SATB1: variants seen among roughly 807,000 people sequenced by gnomAD.
SATB1 encodes the protein DNA-binding protein SATB1.
SATB1 carries 11 observed loss-of-function variants against 86.9 expected under a neutral mutation model. The observed-to-expected ratio is 0.13, with a 90% CI of 0.08 to 0.21. The LOEUF (loss-of-function observed/expected upper bound fraction) is 0.21, where lower values mean the gene tolerates loss of function less well. SATB1 is among the 10% of genes least tolerant of loss of function. The pLI is 1.00. For missense variants in SATB1, 551 were observed against 937.6 expected (o/e 0.59, Z 5.39); for synonymous variants, 357 against 357.2 (o/e 1.00, Z 0.01).
chr3:18,393,109 C>T (rs1195473822), intron 7 of SATB1, among the ~76,000 whole-genome samples: 1 of 151,882 alleles, frequency 6.6e-6, no homozygotes, highest in Admixed American at 6.6e-5. Context: ...GGAAACTCTG[C>T]AAACTAGGAA....
At chr3:18,378,655 C>T (rs1695886913) in intron 8 of SATB1, among the ~76,000 whole-genome samples, 1 of 152,188 alleles carries the variant, frequency 6.6e-6, no homozygotes, top group African/African-American at 2.4e-5. Flanking sequence ...CCTTCCATTG[C>T]AATCCTAACA....
At chr3:18,359,383 A>C (rs191955032) in intron 9 of SATB1, among the ~76,000 whole-genome samples, 27 of 152,150 alleles carry the variant, frequency 1.8e-4, no homozygotes, top group African/African-American at 5.8e-4. Context: ...GGGGAGAAAA[A>C]AACAAACAGG....
chr3:18,390,192 C>T (rs981857037), intron 7 of SATB1, among the ~76,000 whole-genome samples: 1 of 152,120 alleles, frequency 6.6e-6, no homozygotes, highest in Admixed American at 6.5e-5. Context: ...AACAAAAAGG[C>T]TGTCTGGCCT....
chr3:18,398,487 C>T (rs1455760772), intron 5 of SATB1, among the ~76,000 whole-genome samples: 1 of 152,060 alleles, frequency 6.6e-6, no homozygotes, highest in African/African-American at 2.4e-5. Flanking sequence ...CCAGAAAAGC[C>T]AGTTTGGGGA....
In SATB1 at chr3:18,394,744, T is replaced by C. The variant is rs1426467412; in HGVS notation, c.924A>G (p.Val308=). The change falls in exon 7 of 11, where the codon GTA becomes GTG. Residue 308 remains valine (V), a synonymous_variant. Coordinates refer to ENST00000338745, the MANE Select transcript of SATB1 (RefSeq NM_002971.6). This position sits in a 1 kb window ranked among gnomAD's most constrained non-coding sequence, Gnocchi z 5.9. ...TPLPNLHPGL[V]STPISPQLVN... is the part of the protein sequence containing the mutation. ...CCAATTGAGGACTGATAGGTGTTGA[T>C]ACGAGCCCAGGGTGCAGGTTTGGAA... 6 of 1,614,112 alleles carry C rather than the reference T, an allele frequency of 3.7e-6. No individual in the cohort carries two copies. The highest frequency in any genetic ancestry group is 1.6e-4 in the Middle Eastern group (1 of 6,062).
chr3:18,380,576 T>C (rs1696002044), intron 8 of SATB1, among the ~76,000 whole-genome samples: 1 of 152,082 alleles, frequency 6.6e-6, no homozygotes, highest in Non-Finnish European at 1.5e-5. Flanking sequence ...AAAAAGAATG[T>C]GAGGGTGAAA....
In SATB1 at chr3:18,386,872, C is replaced by G. The variant is rs1393687680; in HGVS notation, c.1207-261G>C. Among the ~76,000 whole-genome samples the G allele has an allele frequency of 1.3e-5, 2 of 152,120 alleles. No homozygotes were observed. The highest frequency in any genetic ancestry group is 2.9e-5 in the Non-Finnish European group (2 of 68,020). On this transcript the variant is annotated intron_variant, in intron 7 of 10. Coordinates refer to ENST00000338745, the MANE Select transcript of SATB1 (RefSeq NM_002971.6). The surrounding 1 kb of genome is among the most constrained non-coding windows in gnomAD (Gnocchi z 4.5). ...CCTTCCTTTGAGTAGCTTAACTTGC[C>G]ATGAAATCTTTCACAGAGAGACGAT...
chr3:18,439,021 GCA>G (rs1699162909), upstream of SATB1, among the ~76,000 whole-genome samples: 1 of 152,114 alleles, frequency 6.6e-6, no homozygotes, highest in African/African-American at 2.4e-5. Context: ...ATAAAATATT[GCA>G]CAGTTAAATG....
chr3:18,399,958 T>C (rs1697167762), intron 5 of SATB1, among the ~76,000 whole-genome samples: 1 of 152,080 alleles, frequency 6.6e-6, no homozygotes, highest in South Asian at 2.1e-4. Context: ...GTAAAATTCC[T>C]ACTAAAGGCT....
Position 18,349,409 on chromosome 3 carries a change from G to A in SATB1, c.2053C>T (p.Pro685Ser). 6.2e-7 allele frequency: 1 copy of A among 1,614,190 alleles called. No individual in the cohort carries two copies. The highest frequency in any genetic ancestry group is 8.5e-7 in the Non-Finnish European group (1 of 1,180,040). ...AAGAACTTGATGATGGTGTACTTGG[G>A]AAGGTCGAGCTGGGCAGACAGAGTC... ...IQTLSAQLDL[P>S]KYTIIKFFQN... Residue 685 changes from proline to serine, a missense_variant, in exon 11 of 11, where the codon CCC becomes TCC. By Grantham distance (74) the Pro-to-Ser change is moderately conservative. Coordinates refer to ENST00000338745, the MANE Select transcript of SATB1 (RefSeq NM_002971.6). This position sits in a 1 kb window ranked among gnomAD's most constrained non-coding sequence, Gnocchi z 5.5.
At chr3:18,354,608 T>C (rs567685114) in intron 9 of SATB1, among the ~76,000 whole-genome samples, 23 of 152,160 alleles carry the variant, frequency 1.5e-4, no homozygotes, top group Non-Finnish European at 2.8e-4. Flanking sequence ...GAATGATTCA[T>C]GTAAGAAAAG....
At chr3:18,358,574 G>A (rs976684028) in intron 9 of SATB1, among the ~76,000 whole-genome samples, 2 of 151,880 alleles carry the variant, frequency 1.3e-5, no homozygotes, top group Non-Finnish European at 2.9e-5. Flanking sequence ...GAACAGAGAC[G>A]TGCCAGTAAA....
chr3:18,416,241 T>C (rs952756037), intron 3 of SATB1, 108 bp from the exon 4 acceptor site: 2 of 762,252 alleles, frequency 2.6e-6, no homozygotes, highest in Non-Finnish European at 3.9e-6. Flanking sequence ...AGCAGTACCG[T>C]TATTTCTGTT....
chr3:18,427,969 T>C (rs920299037), upstream of SATB1, among the ~76,000 whole-genome samples: 5 of 152,220 alleles, frequency 3.3e-5, no homozygotes, highest in African/African-American at 1.2e-4. Flanking sequence ...ATATATTAAC[T>C]ACCCTTTAGA....
intron 2 of SATB1, chr3:18,417,644 TGG>T: frequency 1.4e-6 from 1 of 698,540 alleles, no homozygotes; most frequent in Non-Finnish European, 2.6e-6. Flanking sequence ...TAGCTCTAAC[TGG>T]TTCCACAAAA....
upstream of SATB1, among the ~76,000 whole-genome samples, chr3:18,425,562 G>A (rs899638307): frequency 7.9e-5 from 12 of 150,998 alleles, no homozygotes; most frequent in African/African-American, 2.7e-4. Flanking sequence ...TGAGGGAATG[G>A]GGGGAGCGCA....
intron 2 of SATB1, among the ~76,000 whole-genome samples, chr3:18,432,332 T>G (rs963298548): frequency 6.6e-6 from 1 of 152,216 alleles, no homozygotes; most frequent in African/African-American, 2.4e-5. Flanking sequence ...TTAACCAAGA[T>G]GTACATATCA....
In SATB1 at chr3:18,444,775, T is replaced by C. The variant is rs1699336621; in HGVS notation, c.-25+743A>G. The C allele has an allele frequency of 2.5e-6, 1 of 394,482 alleles. No homozygotes were observed. Among genetic ancestry groups the C allele is most frequent in the Non-Finnish European group, 3.4e-6 (1 of 290,828 alleles). 24.4% of individuals were successfully genotyped at this position (394,482 alleles called of 1,614,324 possible). ...GGCTGCCGCGGAAGTTAATTGCAAC[T>C]TGACTTCAAGTTGTCCTCTTTCCCC... is the stretch of plus-strand genomic sequence containing the variant. On this transcript the variant is annotated intron_variant, in intron 1 of 3. Transcript: ENST00000415069. This position sits in a 1 kb window ranked among gnomAD's most constrained non-coding sequence, Gnocchi z 5.1.
At chr3:18,433,637 T>C (rs1446579442) in intron 2 of SATB1, among the ~76,000 whole-genome samples, 1 of 152,112 alleles carries the variant, frequency 6.6e-6, no homozygotes, top group Non-Finnish European at 1.5e-5. Context: ...ATTTTTTTCT[T>C]ATACGCATAA....
Sources: gnomAD v4.1 joint callset for allele counts (sites outside exome capture counted in the v4.1 genomes callset) on GRCh38, gnomAD v4.1.1 for gene constraint, Gnocchi (gnomAD v3.1) non-coding constraint, MANE v1.5 for transcripts, NCBI Gene and HGNC (gene_info 2026-07-23, HGNC 2026-07-21) for gene names.